RBM4B: variants seen among roughly 807,000 people sequenced by gnomAD.
The protein encoded by RBM4B is RNA binding motif protein 4B.
RBM4B carries 13 observed loss-of-function variants against 28.5 expected under a neutral mutation model. That is an observed-to-expected ratio of 0.46 (90% confidence interval 0.30 to 0.72). The LOEUF (loss-of-function observed/expected upper bound fraction) is 0.72. RBM4B is among the 30% of genes least tolerant of loss of function. RBM4B has a pLI of 0.09. For synonymous variants in RBM4B, 167 were observed against 179.1 expected, an observed-to-expected ratio of 0.93 and a Z score of 0.54; for missense variants, 387 against 477.6, an observed-to-expected ratio of 0.81 and a Z score of 1.77.
intron 3 of RBM4B, chr11:66,666,470 A>G: frequency 2.0e-6 from 2 of 986,330 alleles, no homozygotes; most frequent in Non-Finnish European, 2.4e-6. Context: ...ACTCAGGGTT[A>G]TTCAGTCCAT....
chr11:66,675,921 A>C (rs1260426009), intron 2 of RBM4B: 1 of 152,276 alleles, frequency 6.6e-6, no homozygotes, highest in Non-Finnish European at 1.5e-5. Context: ...GTCTTCTGAC[A>C]ACCTCTTGTG....
intron 2 of RBM4B, 107 bp downstream of exon 2, chr11:66,676,561 T>A (rs1939642078): frequency 7.7e-7 from 1 of 1,304,916 alleles, no homozygotes; most frequent in African/African-American, 1.5e-5. Context: ...TATTTCCAGC[T>A]AAAACAGAAT....
At chr11:66,673,069 G>A (rs1939521957) in intron 2 of RBM4B, among the ~76,000 whole-genome samples, 3 of 152,168 alleles carry the variant, frequency 2.0e-5, no homozygotes, top group Non-Finnish European at 4.4e-5. Context: ...GCTGAGAAGT[G>A]GGAAACTTGG....
chr11:66,676,568 GA>G, intron 2 of RBM4B, 99 bp downstream of exon 2: 1 of 1,348,214 alleles, frequency 7.4e-7, no homozygotes, highest in Non-Finnish European at 1.0e-6. Context: ...AGCTAAAACA[GA>G]ATGGAAGAGA....
intron 2 of RBM4B, among the ~76,000 whole-genome samples, chr11:66,673,735 A>C (rs972919059): frequency 6.6e-6 from 1 of 152,216 alleles, no homozygotes; most frequent in African/African-American, 2.4e-5. Context: ...TGCTGGGATT[A>C]CAGGAGTGAG....
chr11:66,669,395 C>T (rs1939384115), intron 2 of RBM4B, 104 bp from the exon 3 acceptor site: 4 of 1,097,190 alleles, frequency 3.6e-6, no homozygotes, highest in East Asian at 2.4e-5. Context: ...CACATAGACG[C>T]ACACACCTGT....
Position 66,676,885 on chromosome 11 carries a change from G to A in RBM4B, c.195C>T (p.Ile65=), listed in dbSNP as rs750700261. The A allele has an allele frequency of 1.3e-5, 21 of 1,614,138 alleles. No homozygotes were observed. Among genetic ancestry groups the A allele is most frequent in the Non-Finnish European group, 1.8e-5 (21 of 1,180,024 alleles). Residue 65 remains isoleucine (I), a synonymous_variant, in exon 2 of 4, where the codon ATC becomes ATT. Coordinates refer to ENST00000310046, the MANE Select transcript of RBM4B (RefSeq NM_031492.4). ...TCTTATTCTTGCTGGCTTCCACGTT[G>A]ATGTTCACCCCATGAAGCTTGTAAT... ...LHHYKLHGVN[I]NVEASKNKSK...
At chr11:66,667,485 A>G (rs1939278837) in intron 3 of RBM4B, 1 of 152,220 alleles carries the variant, frequency 6.6e-6, no homozygotes, top group African/African-American at 2.4e-5. Flanking sequence ...AAATGACAGC[A>G]TAACAGACTA....
At chr11:66,666,019 C>A in intron 3 of RBM4B, 2 of 1,392,644 alleles carry the variant, frequency 1.4e-6, no homozygotes, top group Admixed American at 2.2e-5. Context: ...TTTAATCTTT[C>A]ACAGTAAACA....
At chr11:66,676,516 G>A in intron 2 of RBM4B, 152 bp downstream of exon 2, 1 of 931,778 alleles carries the variant, frequency 1.1e-6, no homozygotes, top group South Asian at 1.7e-5. Flanking sequence ...TTCCCCAGGG[G>A]TAAATTATGC....
chr11:66,677,215 ATTC>A (rs1457661776), intron 1 of RBM4B, 124 bp from the exon 2 acceptor site: 2 of 1,213,966 alleles, frequency 1.6e-6, no homozygotes, highest in African/African-American at 1.5e-5. Flanking sequence ...GACATTCATT[ATTC>A]TTCCTCAATA....
chr11:66,668,719 A>G lies in RBM4B; in HGVS notation c.985T>C (p.Ser329Pro), dbSNP rs1159357040. The G allele has an allele frequency of 1.9e-6, 3 of 1,614,196 alleles. No individual in the cohort carries two copies. The highest frequency in any genetic ancestry group is 2.5e-6 in the Non-Finnish European group (3 of 1,180,032). ...GYGYGPESEL[S>P]QASAATRNSL... ...TTCCGTGTAGCTGCGGAAGCCTGAGATAATTCACTCTCTGGCCCATAACCG... is the reference window on the plus strand; with the variant it reads ...TTCCGTGTAGCTGCGGAAGCCTGAGGTAATTCACTCTCTGGCCCATAACCG... Residue 329 changes from serine to proline, a missense_variant, in exon 3 of 4, where the codon TCT becomes CCT. Coordinates refer to ENST00000310046, the MANE Select transcript of RBM4B (RefSeq NM_031492.4).
chr11:66,668,994 G>A lies in RBM4B; in HGVS notation c.710C>T (p.Ala237Val), dbSNP rs747808883. The change falls in exon 3 of 4, where the codon GCG becomes GTG. Residue 237 changes from alanine to valine, a missense_variant. Coordinates refer to ENST00000310046, the MANE Select transcript of RBM4B (RefSeq NM_031492.4). ...CTCTGCGTAGTTGTATGCAGAAGCC[G>A]CTGCCGCCGCTGCTACTGCCTCATA... ...RSYEAVAAAA[A>V]ASAYNYAEQT... 20 of 1,614,024 alleles carry A rather than the reference G, an allele frequency of 1.2e-5. No individual in the cohort carries two copies. The highest frequency in any genetic ancestry group is 1.1e-4 in the South Asian group (10 of 91,092).
Position 66,665,563 on chromosome 11 carries a change from T to C in RBM4B, c.*25A>G. 1 of 1,533,660 alleles carries C rather than the reference T, an allele frequency of 6.5e-7. No homozygotes were observed. Among genetic ancestry groups the C allele is most frequent in the South Asian group, 1.2e-5 (1 of 84,010 alleles). ...ATATGACCGCAGCCCGAGGGTTCAGTCCGCAATTATCCTACCTGAAAGAGA... is the reference window on the plus strand; with the variant it reads ...ATATGACCGCAGCCCGAGGGTTCAGCCCGCAATTATCCTACCTGAAAGAGA... On this transcript the variant is annotated 3_prime_UTR_variant, in exon 4 of 4. Transcript: ENST00000310046.
At position 66,677,051 on chromosome 11, in the gene RBM4B, G is replaced by A; in HGVS notation, c.29C>T (p.Pro10Leu). The A allele has an allele frequency of 5.6e-6, 9 of 1,614,026 alleles. No individual in the cohort carries two copies. Among genetic ancestry groups the A allele is most frequent in the East Asian group, 2.2e-5 (1 of 44,870 alleles). Residue 10 changes from proline (P) to leucine (L), a missense_variant, in exon 2 of 4, where the codon CCC (proline) becomes CTC (leucine). Pro to Leu is a moderately conservative substitution (Grantham distance 98). Around this residue, in one of 2 missense-constraint regions of RBM4B, gnomAD observed 161 missense variants for 256.9 expected, o/e 0.63. Transcript: ENST00000310046. ...AATCTCCTGCTCTGTAGCCTCCCGG[G>A]GAAGGTTTCCGATGAACAGCTTCAC... MVKLFIGNLPREATEQEIRS... is the reference protein window; with the variant it reads MVKLFIGNLLREATEQEIRS...
intron 1 of RBM4B, 40 bp from the exon 2 acceptor site, chr11:66,677,131 G>A (rs1441076893): frequency 6.3e-7 from 1 of 1,589,580 alleles, no homozygotes; most frequent in East Asian, 2.2e-5. Flanking sequence ...CAGGGGTGTG[G>A]TGGGAAATTT....
chr11:66,668,578 A>G (rs759254219), intron 3 of RBM4B, 37 bp downstream of exon 3: 3 of 1,516,874 alleles, frequency 2.0e-6, no homozygotes. Flanking sequence ...CAAGGGAACT[A>G]AATGGAATCT....
Position 66,668,657 on chromosome 11 carries a change from C to G in RBM4B, c.1047G>C (p.Gln349His). Residue 349 changes from glutamine (Q) to histidine (H), a missense_variant, in exon 3 of 4, where the codon CAG (glutamine) becomes CAC (histidine). Gln to His is a conservative substitution (Grantham distance 24, BLOSUM62 0). Coordinates refer to ENST00000310046, the MANE Select transcript of RBM4B (RefSeq NM_031492.4). ...CTGAGTACCGGGCTCGGTCCACATA[C>G]TGCTCCCGTTCATACCGGGCCATGT... is the stretch of plus-strand genomic sequence containing the variant. ...LYDMARYEREQYVDRARYSAF is the reference protein window; with the variant it reads ...LYDMARYEREHYVDRARYSAF 6.2e-7 allele frequency: 1 copy of G among 1,612,238 alleles called. No homozygotes were observed. The highest frequency in any genetic ancestry group is 8.5e-7 in the Non-Finnish European group (1 of 1,178,326).
chr11:66,669,452 G>A lies in RBM4B; in HGVS notation c.413-161C>T, dbSNP rs1311818279. Among the ~76,000 whole-genome samples the A allele has an allele frequency of 2.1e-5, 3 of 145,824 alleles. No individual in the cohort carries two copies. The East Asian group carries it at 5.9e-4, about 29-fold the overall frequency. ...TTTAAAAAGTAGTTGAAGTTTTTTTGTTTTTTTTTTTGAGACGGAGTTTCC... is the reference window on the plus strand; with the variant it reads ...TTTAAAAAGTAGTTGAAGTTTTTTTATTTTTTTTTTTGAGACGGAGTTTCC... On this transcript the variant is annotated intron_variant, in intron 2 of 3. Transcript: ENST00000310046.
Sources: gnomAD v4.1 joint callset for allele counts (sites outside exome capture counted in the v4.1 genomes callset) on GRCh38, gnomAD v4.1.1 for gene constraint, gnomAD v4.1.1 regional missense constraint, MANE v1.5 for transcripts, NCBI Gene and HGNC (gene_info 2026-07-23, HGNC 2026-07-21) for gene names.